TRMT1: variants seen among roughly 807,000 people sequenced by gnomAD.
The protein encoded by TRMT1 is tRNA (guanine(26)-N(2))-dimethyltransferase.
Under a neutral mutation model 75.4 loss-of-function variants are expected in TRMT1, and 63 were observed. The observed-to-expected ratio is 0.84, with a 90% confidence interval of 0.68 to 1.03. The LOEUF (loss-of-function observed/expected upper bound fraction) is 1.03, where lower values mean the gene tolerates loss of function less well. Among genes scored for constraint, TRMT1 ranks in the 50% least tolerant of loss-of-function variants. The pLI is 0.00. For missense variants in TRMT1, 870 were observed against 905.3 expected (o/e 0.96, Z 0.50); for synonymous variants, 382 against 358.1 (o/e 1.07, Z -0.75).
In TRMT1 at chr19:13,105,282, G is replaced by A. The variant is rs749685354; in HGVS notation, c.1818C>T (p.Cys606=). The A allele has an allele frequency of 3.1e-6, 5 of 1,613,872 alleles. No homozygotes were observed. The South Asian group carries it at 4.4e-5, about 14-fold the overall frequency. ...GGGACCTCACCTCCTTAAACCTCTTGCAAGGAAATGTCTTGAGCCGGGCAG... is the reference window on the plus strand; with the variant it reads ...GGGACCTCACCTCCTTAAACCTCTTACAAGGAAATGTCTTGAGCCGGGCAG... ...QRAARLKTFP[C]KRFKEGTCQR... The change falls in exon 16 of 17, where the codon TGC becomes TGT. Residue 606 remains cysteine (C), a synonymous_variant. Coordinates refer to ENST00000357720, the MANE Select transcript of TRMT1 (RefSeq NM_001136035.4).
rs373644075 is a variant in TRMT1 at position 13,110,315 on chromosome 19, G to A, written c.871-9C>T. ...AGGACGATTCTCAGGGCCTGGGGGT[G>A]GGGGGTGGGTGTCAGCCTCCCCTCC... On this transcript the variant is annotated splice_polypyrimidine_tract_variant and intron_variant, in intron 7 of 16. Transcript: ENST00000357720. 5 of 849,748 alleles carry A rather than the reference G, an allele frequency of 5.9e-6. No individual in the cohort carries two copies. The highest frequency in any genetic ancestry group is 7.8e-6 in the Non-Finnish European group (4 of 512,488). The allele number at this position is 849,748 out of a possible 1,614,324, so 52.6% of individuals were successfully genotyped here.
In TRMT1 at chr19:13,115,297, G is replaced by A. The variant is rs780432685; in HGVS notation, c.623C>T (p.Pro208Leu). Residue 208 changes from proline to leucine, a missense_variant, in exon 5 of 17, where the codon CCG (proline) becomes CTG (leucine). Physicochemically the swap from Pro to Leu is moderately conservative, Grantham distance 98 (BLOSUM62 -3). Transcript: ENST00000357720. The part of the protein sequence containing the change: ...QLNDVAHLVQ[P>L]SQADARMLMY... ...AACCTACCGGGCATCTGCTTGGCTC[G>A]GCTGTACCAGGTGGGCCACGTCATT... 5.0e-6 allele frequency: 8 copies of A among 1,612,800 alleles called. No individual in the cohort carries two copies. The highest frequency in any genetic ancestry group is 1.6e-4 in the Middle Eastern group (1 of 6,076).
At chr19:13,113,056 C>G (rs375015641) in intron 5 of TRMT1, 45 bp from the exon 6 acceptor site, 2 of 1,472,026 alleles carry the variant, frequency 1.4e-6, no homozygotes, top group African/African-American at 2.8e-5. Flanking sequence ...ACGCCAGGTA[C>G]CTTCTCTGTC....
At chr19:13,114,469 A>G (rs897531633) in intron 5 of TRMT1, among the ~76,000 whole-genome samples, 1 of 152,220 alleles carries the variant, frequency 6.6e-6, no homozygotes, top group Non-Finnish European at 1.5e-5. Flanking sequence ...AATCGAGACC[A>G]TCCTGGCCAC....
intron 5 of TRMT1, among the ~76,000 whole-genome samples, chr19:13,114,019 A>C (rs938699734): frequency 6.6e-6 from 1 of 152,196 alleles, no homozygotes; most frequent in African/African-American, 2.4e-5. Context: ...GCTTGATTAC[A>C]GGCATGAGTC....
chr19:13,113,272 C>T (rs763008869), intron 5 of TRMT1, among the ~76,000 whole-genome samples: 25 of 152,228 alleles, frequency 1.6e-4, no homozygotes, highest in South Asian at 4.1e-4. Flanking sequence ...AATTCTCGCG[C>T]CTCAGCCTCC....
rs368353513 is a variant in TRMT1, at chr19:13,110,035, C to A, written c.1020-34G>T. 9 of 1,612,324 alleles carry A rather than the reference C, an allele frequency of 5.6e-6. No homozygotes were observed. The East Asian group carries it at 1.8e-4, about 32-fold the overall frequency. On this transcript the variant is annotated intron_variant, in intron 8 of 16. Coordinates refer to ENST00000357720, the MANE Select transcript of TRMT1 (RefSeq NM_001136035.4). ...GGTACCAGTGGCCACGAGTTCCCAG[C>A]GTGACCACGACACCCCAACTCCTCC...
At chr19:13,107,693 G>T in intron 13 of TRMT1, 43 bp from the exon 14 acceptor site, 1 of 1,575,380 alleles carries the variant, frequency 6.3e-7, no homozygotes, top group Non-Finnish European at 8.6e-7. Context: ...AGGCCCAAGG[G>T]ACCTCCAGGT....
chr19:13,115,972 A>C (rs757979024), intron 3 of TRMT1, 25 bp downstream of exon 3: 1 of 1,613,802 alleles, frequency 6.2e-7, no homozygotes, highest in Non-Finnish European at 8.5e-7. Context: ...ACCCCCGCCC[A>C]CCAGAAGCCT....
intron 7 of TRMT1, among the ~76,000 whole-genome samples, chr19:13,112,192 G>T (rs1173040271): frequency 6.6e-6 from 1 of 151,352 alleles, no homozygotes; most frequent in African/African-American, 2.4e-5. Flanking sequence ...GTTTTACCAT[G>T]TTGGCCAGCT....
At chr19:13,114,914 C>T (rs537770363) in intron 5 of TRMT1, among the ~76,000 whole-genome samples, 11 of 152,314 alleles carry the variant, frequency 7.2e-5, no homozygotes, top group Admixed American at 6.5e-4. Flanking sequence ...CCAACTCTTG[C>T]GAAGGTCACC....
chr19:13,106,060 T>TA lies in TRMT1; in HGVS notation c.1584-455dup, dbSNP rs924397099. On this transcript the variant is annotated intron_variant, in intron 14 of 16. Transcript: ENST00000357720. ...CTGGGCAAGAGAGTGAGCCTCTGTCTAAAAAAAAATAAAATAAAGATACAG... is the reference window on the plus strand; with the variant it reads ...CTGGGCAAGAGAGTGAGCCTCTGTCTAAAAAAAAAATAAAATAAAGATACAG... Among the ~76,000 whole-genome samples the TA allele has an allele frequency of 1.3e-4, 20 of 148,576 alleles. No homozygotes were observed. The East Asian group carries it at 2.6e-3, about 19-fold the overall frequency.
At chr19:13,105,815 AT>A in intron 14 of TRMT1, among the ~76,000 whole-genome samples, 1 of 152,134 alleles carries the variant, frequency 6.6e-6, no homozygotes, top group South Asian at 2.1e-4. Context: ...AAATCCCAGC[AT>A]TTTGGGAGGC....
Position 13,109,837 on chromosome 19 carries a change from C to T in TRMT1, c.1108G>A (p.Ala370Thr). 6.2e-7 allele frequency: 1 copy of T among 1,614,086 alleles called. No homozygotes were observed. Among genetic ancestry groups the T allele is most frequent in the Non-Finnish European group, 8.5e-7 (1 of 1,180,026 alleles). Residue 370 changes from alanine to threonine, a missense_variant and splice_region_variant, in exon 10 of 17, where the codon GCC becomes ACC. Ala to Thr is a moderately conservative substitution (Grantham distance 58, BLOSUM62 0). Coordinates refer to ENST00000357720, the MANE Select transcript of TRMT1 (RefSeq NM_001136035.4). ...GGACCACAGGCTGCAGAGAACTTGGCCCTAAACAGAGAGGGGTGGTTGGTG... is the reference window on the plus strand; with the variant it reads ...GGACCACAGGCTGCAGAGAACTTGGTCCTAAACAGAGAGGGGTGGTTGGTG... ...GKASGVPSGR[A>T]KFSAACGPPV...
At position 13,107,844 on chromosome 19, in the gene TRMT1, G is replaced by A. The variant is rs934334444; in HGVS notation, c.1413C>T (p.His471=). 11 of 1,551,686 alleles carry A rather than the reference G, an allele frequency of 7.1e-6. No homozygotes were observed. The highest frequency in any genetic ancestry group is 1.7e-4 in the Middle Eastern group (1 of 5,988). The change falls in exon 13 of 17, where the codon CAC becomes CAT. Residue 471 remains histidine (H), a synonymous_variant. Coordinates refer to ENST00000357720, the MANE Select transcript of TRMT1 (RefSeq NM_001136035.4). ...GGGAGAGTGAGACCCGGAAGTCAGCGTGGAGGAGGGCCGACCTGGGGAACA... is the reference window on the plus strand; with the variant it reads ...GGGAGAGTGAGACCCGGAAGTCAGCATGGAGGAGGGCCGACCTGGGGAACA... The part of the protein sequence containing the change: ...SLLQLRSALL[H]ADFRVSLSHA...
At chr19:13,107,281 C>T (rs2145576715) in intron 14 of TRMT1, among the ~76,000 whole-genome samples, 1 of 152,134 alleles carries the variant, frequency 6.6e-6, no homozygotes, top group Non-Finnish European at 1.5e-5. Context: ...ATTACAGGCA[C>T]CCACCACCAC....
Position 13,109,838 on chromosome 19 carries a change from C to T in TRMT1, c.1107G>A (p.Arg369=), listed in dbSNP as rs1046461258. 6.2e-7 allele frequency: 1 copy of T among 1,614,120 alleles called. No individual in the cohort carries two copies. The highest frequency in any genetic ancestry group is 8.5e-7 in the Non-Finnish European group (1 of 1,180,020). ...LGKASGVPSG[R]AKFSAACGPP... is the part of the protein sequence containing the mutation. ...GACCACAGGCTGCAGAGAACTTGGCCCTAAACAGAGAGGGGTGGTTGGTGG... is the reference window on the plus strand; with the variant it reads ...GACCACAGGCTGCAGAGAACTTGGCTCTAAACAGAGAGGGGTGGTTGGTGG... The change falls in exon 10 of 17, where the codon CGG becomes CGA. Residue 369 remains arginine (R), a splice_region_variant and synonymous_variant. Transcript: ENST00000357720.
intron 12 of TRMT1, 133 bp downstream of exon 12, chr19:13,109,247 TG>T: frequency 9.5e-7 from 1 of 1,049,428 alleles, no homozygotes; most frequent in Non-Finnish European, 1.4e-6. Flanking sequence ...CCCAAGGTAC[TG>T]GGATTACAGG....
intron 7 of TRMT1, 66 bp from the exon 8 acceptor site, chr19:13,110,372 T>G (rs1477395677): frequency 2.0e-6 from 3 of 1,507,740 alleles, no homozygotes; most frequent in Non-Finnish European, 2.7e-6. Flanking sequence ...GAGCCCTATG[T>G]GGTACTCACA....
Sources: gnomAD v4.1 joint callset for allele counts (sites outside exome capture counted in the v4.1 genomes callset) on GRCh38, gnomAD v4.1.1 for gene constraint, MANE v1.5 for transcripts, NCBI Gene and HGNC (gene_info 2026-07-23, HGNC 2026-07-21) for gene names.